Variants in NELFA observed in about 807,000 individuals in gnomAD.
NELFA encodes negative elongation factor complex member A, also known as negative elongation factor A.
In NELFA, 35 loss-of-function variants were observed where a neutral mutation model predicts 51.8. The observed-to-expected ratio is 0.68, with a 90% CI of 0.52 to 0.90. NELFA has a LOEUF of 0.90. Ranked by LOEUF, NELFA falls within the 40% of genes least tolerant of loss-of-function variation. The pLI is 0.00. For missense variants in NELFA, 658 were observed against 746.4 expected, an observed-to-expected ratio of 0.88 and a Z score of 1.38; for synonymous variants, 417 against 338.4, an observed-to-expected ratio of 1.23 and a Z score of -2.55.
At chr4:1,985,992 A>C (rs1577612475) in intron 6 of NELFA, 122 bp downstream of exon 6, 1 of 1,346,024 alleles carries the variant, frequency 7.4e-7, no homozygotes, top group Non-Finnish European at 1.0e-6. Context: ...GCAGGCACCC[A>C]CCCACGGAGA....
chr4:1,985,386 G>A (rs2109054358), intron 7 of NELFA, among the ~76,000 whole-genome samples: 1 of 152,294 alleles, frequency 6.6e-6, no homozygotes, highest in South Asian at 2.1e-4. Context: ...CCCACCCGCA[G>A]GCAGGGCCTG....
chr4:1,989,625 G>C lies in NELFA; in HGVS notation c.544+83C>G. ...CTGGCCCAGAACGCCACCTTGAAGG[G>C]GCAGTCTTGGTACCTTAGAACCTAA... On this transcript the variant is annotated intron_variant, in intron 3 of 10. Coordinates refer to ENST00000382882, the MANE Select transcript of NELFA (RefSeq NM_005663.5). This position sits in a 1 kb window ranked among gnomAD's most constrained non-coding sequence, Gnocchi z 4.8. The C allele has an allele frequency of 6.9e-7, 1 of 1,440,592 alleles. No individual in the cohort carries two copies. The highest frequency in any genetic ancestry group is 2.3e-5 in the East Asian group (1 of 43,446). The allele number at this position is 1,440,592 out of a possible 1,614,324, so 89.2% of individuals were successfully genotyped here. A position where few individuals can be genotyped will look rare whatever the true frequency, so the allele number is the denominator to read the frequency against.
At position 1,985,813 on chromosome 4, in the gene NELFA, G is replaced by A; in HGVS notation, c.887C>T (p.Ala296Val). Residue 296 changes from alanine (A) to valine (V), a missense_variant, in exon 7 of 11, where the codon GCC becomes GTC. Ala to Val is a moderately conservative substitution (Grantham distance 64, BLOSUM62 0). This residue lies in a region of NELFA where 371 missense variants were observed against 448.3 expected (regional missense o/e 0.83). Transcript: ENST00000382882. The stretch of plus-strand genomic sequence containing the variant: ...CAGGCCGGCTGCGTAGTCCGGGGTG[G>A]CGTTCTCCACCACCGTTTCCTCCTT... ...PAKEETVVEN[A>V]TPDYAAGLVS... 1 of 1,613,346 alleles carries A rather than the reference G, an allele frequency of 6.2e-7. No homozygotes were observed.
rs1728218340 is a variant in NELFA at position 1,989,786 on chromosome 4, G to C, written c.466C>G (p.Leu156Val). 6.2e-7 allele frequency: 1 copy of C among 1,614,208 alleles called. No individual in the cohort carries two copies. The highest frequency in any genetic ancestry group is 8.5e-7 in the Non-Finnish European group (1 of 1,180,046). ...TGAAAATGCTTCACCGGGGGAGTGA[G>C]GGGTCCCGCGAGGGTCGTCAGGGCG... ...KNALTTLAGP[L>V]TPPVKHFQLK... The change falls in exon 3 of 11, where the codon CTC (leucine) becomes GTC (valine). Residue 156 changes from leucine (L) to valine (V), a missense_variant. Transcript: ENST00000382882. This position sits in a 1 kb window ranked among gnomAD's most constrained non-coding sequence, Gnocchi z 4.8.
At chr4:1,990,169 G>T in intron 2 of NELFA, 2 of 452,692 alleles carry the variant, frequency 4.4e-6, no homozygotes, top group Non-Finnish European at 8.2e-6. Context: ...TTCCTGGAGG[G>T]CTCCAGACAC....
At chr4:1,987,538 G>A (rs1009587913) in intron 4 of NELFA, 6 of 198,266 alleles carry the variant, frequency 3.0e-5, no homozygotes, top group Admixed American at 2.4e-4. Context: ...AGCACTTGGG[G>A]CCGAAAGCCC....
intron 1 of NELFA, among the ~76,000 whole-genome samples, chr4:1,992,927 G>T (rs1394116043): frequency 2.0e-5 from 3 of 152,232 alleles, no homozygotes; most frequent in Non-Finnish European, 2.9e-5. Context: ...GGGCAACCAG[G>T]GAGGGTGTCG....
chr4:2,006,685 C>T (rs1676400949), intron 1 of NELFA, among the ~76,000 whole-genome samples: 1 of 143,802 alleles, frequency 7.0e-6, no homozygotes, highest in African/African-American at 2.5e-5. Flanking sequence ...GGGAGGACTG[C>T]TTAAGCCCAG....
At chr4:1,991,838 C>T (rs530967383) in intron 1 of NELFA, 123 bp from the exon 2 acceptor site, 24 of 986,742 alleles carry the variant, frequency 2.4e-5, no homozygotes, top group South Asian at 8.2e-5. Context: ...CCCAACACTT[C>T]CTCCTGAGGG....
intron 1 of NELFA, chr4:2,008,022 A>G: frequency 2.2e-6 from 1 of 457,024 alleles, no homozygotes; most frequent in Non-Finnish European, 4.4e-6. Flanking sequence ...TAAAACGGAC[A>G]CAGAGCGCTC....
chr4:1,987,100 A>G (rs745861306), intron 4 of NELFA, among the ~76,000 whole-genome samples: 5 of 152,140 alleles, frequency 3.3e-5, no homozygotes, highest in Admixed American at 6.5e-5. Flanking sequence ...CCACACAGCG[A>G]CAATAGTCAG....
At chr4:1,995,421 C>A (rs977588342) in intron 1 of NELFA, among the ~76,000 whole-genome samples, 1 of 152,060 alleles carries the variant, frequency 6.6e-6, no homozygotes, top group African/African-American at 2.4e-5. Context: ...AGAATGATAT[C>A]CCTAAGATAC....
intron 1 of NELFA, among the ~76,000 whole-genome samples, chr4:1,996,907 C>T (rs973414177): frequency 4.6e-5 from 7 of 151,654 alleles, no homozygotes; most frequent in African/African-American, 7.3e-5. Flanking sequence ...ACTCCAGCCT[C>T]GATGACAGAA....
intron 7 of NELFA, among the ~76,000 whole-genome samples, 156 bp downstream of exon 7, chr4:1,985,620 C>A (rs1328267230): frequency 6.6e-6 from 1 of 152,216 alleles, no homozygotes. Context: ...CCCACACTGC[C>A]TCTCATGTAC....
intron 1 of NELFA, among the ~76,000 whole-genome samples, chr4:1,993,562 G>C (rs1486639407): frequency 7.0e-6 from 1 of 142,240 alleles, no homozygotes; most frequent in African/African-American, 2.7e-5. Context: ...TGGGCAACAA[G>C]AGCGAAACTC....
chr4:1,985,898 G>C (rs144399965), intron 6 of NELFA, 34 bp from the exon 7 acceptor site: 18 of 1,555,880 alleles, frequency 1.2e-5, no homozygotes, highest in Non-Finnish European at 1.6e-5. Flanking sequence ...GCCAGTGCCC[G>C]GGCGCGTCTG....
chr4:1,985,962 A>G (rs1728078343), intron 6 of NELFA, 98 bp from the exon 7 acceptor site: 13 of 1,346,538 alleles, frequency 9.7e-6, no homozygotes, highest in Non-Finnish European at 1.1e-5. Context: ...AGGGGAGGCC[A>G]CCAAGGAGCG....
At position 1,983,927 on chromosome 4, in the gene NELFA, T is replaced by G. The variant is rs1727991923; in HGVS notation, c.1223A>C (p.Gln408Pro). ...GGCCACCATGGCAACCGGGGGTGTC[T>G]GAGTGGTAGGGGCGACAGCCGGAGG... ...TTPPAVAPTT[Q>P]TPPVAMVAPQ... The change falls in exon 9 of 11, where the codon CAG (glutamine) becomes CCG (proline). Residue 408 changes from glutamine (Q) to proline (P), a missense_variant. Coordinates refer to ENST00000382882, the MANE Select transcript of NELFA (RefSeq NM_005663.5). 2 of 1,609,320 alleles carry G rather than the reference T, an allele frequency of 1.2e-6. No individual in the cohort carries two copies. Among genetic ancestry groups the G allele is most frequent in the Non-Finnish European group, 1.7e-6 (2 of 1,178,054 alleles).
At chr4:1,998,643 G>A (rs921354825) in intron 1 of NELFA, among the ~76,000 whole-genome samples, 1 of 152,102 alleles carries the variant, frequency 6.6e-6, no homozygotes, top group Non-Finnish European at 1.5e-5. Flanking sequence ...CAAAAAACAC[G>A]GGATTTCATA....
Sources: allele counts gnomAD v4.1 joint callset (sites outside exome capture counted in the v4.1 genomes callset), GRCh38; gene constraint gnomAD v4.1.1; regional missense constraint gnomAD v4.1.1; non-coding constraint Gnocchi (gnomAD v3.1); transcripts MANE v1.5; gene names NCBI Gene and HGNC (gene_info 2026-07-23, HGNC 2026-07-21).